The following GABBR2 variants were observed in gnomAD, a reference collection of about 807,000 sequenced individuals.
GABBR2 encodes gamma-aminobutyric acid type B receptor subunit 2.
GABBR2 carries 23 observed loss-of-function variants against 105.6 expected under a neutral mutation model. That is an observed-to-expected ratio of 0.22 (90% CI 0.16 to 0.31). The LOEUF (loss-of-function observed/expected upper bound fraction) is 0.31. Ranked by LOEUF, GABBR2 falls within the 10% of genes least tolerant of loss-of-function variation. GABBR2 has a pLI of 1.00. For synonymous variants in GABBR2, 478 were observed against 499.7 expected (o/e 0.96, Z 0.58); for missense variants, 734 against 1,245.5 (o/e 0.59, Z 6.18).
At chr9:98,531,542 CA>C (rs151167214) in intron 3 of GABBR2, among the ~76,000 whole-genome samples, 6,653 of 152,348 alleles carry the variant, frequency 0.044, 510 homozygotes, top group African/African-American at 0.15. Flanking sequence ...GATGTGCACA[CA>C]CTGCTCCAAG....
At chr9:98,692,664 C>T (rs1010955834) in intron 1 of GABBR2, among the ~76,000 whole-genome samples, 2 of 152,220 alleles carry the variant, frequency 1.3e-5, no homozygotes, top group Non-Finnish European at 2.9e-5. Flanking sequence ...GGCTCAGAGT[C>T]GGGCCAACTT....
At chr9:98,539,055 A>C (rs141636169) in intron 3 of GABBR2, among the ~76,000 whole-genome samples, 198 of 152,344 alleles carry the variant, frequency 1.3e-3, no homozygotes, top group African/African-American at 4.4e-3. Context: ...AAGATGTGCT[A>C]CCCAACAGTC....
intron 1 of GABBR2, among the ~76,000 whole-genome samples, chr9:98,684,671 A>T (rs1441550394): frequency 6.6e-6 from 1 of 152,202 alleles, no homozygotes; most frequent in Non-Finnish European, 1.5e-5. Flanking sequence ...TAATGTATCT[A>T]TCCTAAAACA....
intron 1 of GABBR2, among the ~76,000 whole-genome samples, chr9:98,662,939 A>G (rs1830283456): frequency 1.3e-5 from 2 of 152,176 alleles, no homozygotes; most frequent in Non-Finnish European, 2.9e-5. Flanking sequence ...CATGTCCCAC[A>G]GGAGCCAAGA....
At chr9:98,677,972 A>C (rs779327984) in intron 1 of GABBR2, among the ~76,000 whole-genome samples, 6 of 152,026 alleles carry the variant, frequency 3.9e-5, no homozygotes, top group Non-Finnish European at 8.8e-5. Context: ...TTAACATGTT[A>C]CCTACCTAGC....
chr9:98,418,001 G>A (rs1369092880), intron 7 of GABBR2, among the ~76,000 whole-genome samples: 1 of 152,130 alleles, frequency 6.6e-6, no homozygotes, highest in African/African-American at 2.4e-5. Context: ...TGTGCATGGG[G>A]TGGAGGGCTG....
chr9:98,349,463 C>T (rs1831359585), intron 13 of GABBR2, among the ~76,000 whole-genome samples: 2 of 147,846 alleles, frequency 1.4e-5, no homozygotes, highest in Admixed American at 1.4e-4. Context: ...AAGCGATTCT[C>T]CTGTCTCAGC....
intron 12 of GABBR2, among the ~76,000 whole-genome samples, chr9:98,368,047 C>T (rs1831712727): frequency 6.6e-6 from 1 of 152,108 alleles, no homozygotes; most frequent in Non-Finnish European, 1.5e-5. Context: ...AAGTTTATCG[C>T]CGTCATTGCC....
At chr9:98,684,728 G>A (rs1830599128) in intron 1 of GABBR2, among the ~76,000 whole-genome samples, 1 of 152,144 alleles carries the variant, frequency 6.6e-6, no homozygotes, top group African/African-American at 2.4e-5. Flanking sequence ...TTTCCCAAAA[G>A]CAGAGTGAAA....
At chr9:98,474,828 A>G (rs1445799066) in intron 5 of GABBR2, among the ~76,000 whole-genome samples, 1 of 152,156 alleles carries the variant, frequency 6.6e-6, no homozygotes, top group Non-Finnish European at 1.5e-5. Flanking sequence ...AAAAGTTACC[A>G]TCAATTCTAA....
intron 16 of GABBR2, 23 bp from the exon 17 acceptor site, chr9:98,299,376 G>C: frequency 6.2e-7 from 1 of 1,613,546 alleles, no homozygotes; most frequent in East Asian, 2.2e-5. Context: ...GGTTCCAGTT[G>C]AGTCAGGTCC....
chr9:98,457,090 G>A (rs1274050756), intron 6 of GABBR2, among the ~76,000 whole-genome samples: 1 of 152,240 alleles, frequency 6.6e-6, no homozygotes, highest in African/African-American at 2.4e-5. Flanking sequence ...GATTTAAACA[G>A]TACTTGGATG....
At chr9:98,682,184 G>A (rs922385060) in intron 1 of GABBR2, among the ~76,000 whole-genome samples, 12 of 149,852 alleles carry the variant, frequency 8.0e-5, no homozygotes, top group Non-Finnish European at 1.2e-4. Flanking sequence ...CTGAGATTGC[G>A]CCACTGCACT....
intron 1 of GABBR2, among the ~76,000 whole-genome samples, chr9:98,655,916 A>G: frequency 6.6e-6 from 1 of 152,172 alleles, no homozygotes; most frequent in Non-Finnish European, 1.5e-5. Flanking sequence ...GCAAACCACC[A>G]TGGCAGGTGT....
chr9:98,302,682 G>A (rs1454285740), intron 16 of GABBR2, among the ~76,000 whole-genome samples: 1 of 152,104 alleles, frequency 6.6e-6, no homozygotes, highest in Non-Finnish European at 1.5e-5. Flanking sequence ...GAGGTAATTT[G>A]TTTTCCCTTC....
intron 13 of GABBR2, among the ~76,000 whole-genome samples, chr9:98,335,014 A>G (rs1423646806): frequency 6.6e-6 from 1 of 151,868 alleles, no homozygotes; most frequent in African/African-American, 2.4e-5. Flanking sequence ...TTTCCTTGTG[A>G]TTGTAGAGCA....
At chr9:98,394,310 G>A in intron 8 of GABBR2, 55 bp from the exon 9 acceptor site, 1 of 1,284,666 alleles carries the variant, frequency 7.8e-7, no homozygotes, top group Non-Finnish European at 1.1e-6. Flanking sequence ...TTTGTGTCTG[G>A]GTGCTCCTAT....
intron 11 of GABBR2, among the ~76,000 whole-genome samples, chr9:98,377,122 C>A (rs1831888541): frequency 6.9e-6 from 1 of 145,518 alleles, no homozygotes; most frequent in Non-Finnish European, 1.5e-5. Context: ...GCAGAATGAG[C>A]AAGAGGCCTT....
intron 6 of GABBR2, among the ~76,000 whole-genome samples, chr9:98,466,985 C>T (rs1826571831): frequency 6.6e-6 from 1 of 152,102 alleles, no homozygotes. Context: ...GAAATCCAGC[C>T]ATCACATCCA....
Sources: gnomAD v4.1 joint callset for allele counts (sites outside exome capture counted in the v4.1 genomes callset) on GRCh38, gnomAD v4.1.1 for gene constraint, MANE v1.5 for transcripts, NCBI Gene and HGNC (gene_info 2026-07-23, HGNC 2026-07-21) for gene names.